The following CAMK2D variants were observed in gnomAD, a reference collection of about 807,000 sequenced individuals.
CAMK2D encodes calcium/calmodulin-dependent protein kinase type II subunit delta.
Under a neutral mutation model 84.0 loss-of-function variants are expected in CAMK2D, and 37 were observed. The ratio of observed to expected loss-of-function variants is 0.44; its 90% CI spans 0.34 to 0.58. CAMK2D has a LOEUF of 0.58. Among genes scored for constraint, CAMK2D ranks in the 20% least tolerant of loss-of-function variants. CAMK2D has a pLI of 0.02. For synonymous variants in CAMK2D, 202 were observed against 212.5 expected (o/e 0.95, Z 0.43); for missense variants, 448 against 652.5 (o/e 0.69, Z 3.41).
intron 2 of CAMK2D, among the ~76,000 whole-genome samples, chr4:113,705,155 C>G (rs373016765): frequency 6.4e-4 from 89 of 138,360 alleles, no homozygotes; most frequent in Non-Finnish European, 1.2e-3. Flanking sequence ...ATCTCTACTA[C>G]AAATACAAAA....
intron 12 of CAMK2D, 130 bp from the exon 13 acceptor site, chr4:113,509,805 A>AAAG (rs765346026): frequency 5.4e-5 from 36 of 669,942 alleles, no homozygotes; most frequent in Non-Finnish European, 9.4e-5. Flanking sequence ...GCAAGTTATC[A>AAAG]AAGTCACACT....
chr4:113,759,571 T>C (rs1326735065), intron 1 of CAMK2D, among the ~76,000 whole-genome samples, 157 bp from the exon 2 acceptor site: 1 of 152,240 alleles, frequency 6.6e-6, no homozygotes, highest in Non-Finnish European at 1.5e-5. Context: ...CCAGACTTTC[T>C]TTAATGTTGA....
At chr4:113,629,353 T>A (rs72893917) in intron 3 of CAMK2D, among the ~76,000 whole-genome samples, 1,675 of 152,230 alleles carry the variant, frequency 0.011, 48 homozygotes, top group African/African-American at 0.039. Flanking sequence ...CAAATTTTTT[T>A]AAATACTTTT....
intron 2 of CAMK2D, among the ~76,000 whole-genome samples, chr4:113,756,605 T>C (rs1859233): frequency 0.021 from 3,191 of 152,178 alleles, 117 homozygotes; most frequent in African/African-American, 0.073. Flanking sequence ...TGAGTGTTAT[T>C]AAAAGACTTC....
At position 113,638,659 on chromosome 4, in the gene CAMK2D, G is replaced by A. The variant is rs574877120; in HGVS notation, c.220+23054C>T. ...AAACAGGGACCTGTTTCGGTAATGC[G>A]AACTCATTAGGGCTATGCTCCTACT... is the stretch of plus-strand genomic sequence containing the variant. On this transcript the variant is annotated intron_variant, in intron 3 of 20. Coordinates refer to ENST00000511664, the MANE Select transcript of CAMK2D (RefSeq NM_001321571.2). 1.2e-3 allele frequency among the ~76,000 whole-genome samples: 187 copies of A among 152,078 alleles called. 1 individual carries two copies. Among genetic ancestry groups the A allele is most frequent in the Non-Finnish European group, 2.2e-3 (152 of 67,990 alleles).
chr4:113,610,333 C>G lies in CAMK2D; in HGVS notation c.221-1127G>C, dbSNP rs77541675. 9.3e-4 allele frequency among the ~76,000 whole-genome samples: 141 copies of G among 152,278 alleles called. No individual in the cohort carries two copies. In the East Asian group the frequency reaches 0.023, roughly 25 times the overall value. Reference sequence around the variant, plus strand: ...GCAACAAAGTTTTAGGACACAACTGCTTTTACAAAAGTCACCACAAAATAA... The same window carrying G: ...GCAACAAAGTTTTAGGACACAACTGGTTTTACAAAAGTCACCACAAAATAA... On this transcript the variant is annotated intron_variant, in intron 3 of 20. Transcript: ENST00000511664.
chr4:113,645,218 A>G (rs953635916), intron 3 of CAMK2D, among the ~76,000 whole-genome samples: 2 of 151,982 alleles, frequency 1.3e-5, no homozygotes, highest in African/African-American at 2.4e-5. Flanking sequence ...GGGTTTCACC[A>G]TGTTAGCCAG....
At chr4:113,558,033 A>C (rs1382692399) in intron 4 of CAMK2D, among the ~76,000 whole-genome samples, 1 of 152,182 alleles carries the variant, frequency 6.6e-6, no homozygotes, top group Non-Finnish European at 1.5e-5. Context: ...CCCAGACCCA[A>C]AGATGCAAGA....
At chr4:113,715,312 T>C (rs375285114) in intron 2 of CAMK2D, among the ~76,000 whole-genome samples, 10 of 152,148 alleles carry the variant, frequency 6.6e-5, no homozygotes, top group Admixed American at 5.9e-4. Flanking sequence ...ACAGTGAGCA[T>C]TCTTCTCTTC....
intron 4 of CAMK2D, among the ~76,000 whole-genome samples, chr4:113,565,240 G>A (rs897137396): frequency 6.6e-6 from 1 of 152,146 alleles, no homozygotes; most frequent in Admixed American, 6.5e-5. Flanking sequence ...GAAGCTGGGT[G>A]GCCATGATCC....
intron 14 of CAMK2D, chr4:113,503,178 C>T: frequency 4.1e-6 from 3 of 728,506 alleles, no homozygotes; most frequent in South Asian, 1.4e-5. Flanking sequence ...TAGGAACCTC[C>T]CTACCCAGAA....
chr4:113,552,132 A>C, intron 4 of CAMK2D, 36 bp from the exon 5 acceptor site: 1 of 1,203,790 alleles, frequency 8.3e-7, no homozygotes, highest in Middle Eastern at 1.9e-4. Context: ...TTTTAAAAAG[A>C]AGCAAAAAAA....
chr4:113,575,140 T>A (rs1444581012), intron 4 of CAMK2D, among the ~76,000 whole-genome samples: 1 of 152,204 alleles, frequency 6.6e-6, no homozygotes, highest in Non-Finnish European at 1.5e-5. Context: ...GTGAGGGGGT[T>A]TATTCTACTC....
intron 2 of CAMK2D, among the ~76,000 whole-genome samples, chr4:113,677,020 G>A (rs924196500): frequency 1.3e-5 from 2 of 152,150 alleles, no homozygotes; most frequent in Admixed American, 1.3e-4. Flanking sequence ...AAGGCGAAGA[G>A]CTAAAATTCA....
chr4:113,498,839 C>T (rs976770578), intron 16 of CAMK2D, among the ~76,000 whole-genome samples: 1 of 152,150 alleles, frequency 6.6e-6, no homozygotes, highest in African/African-American at 2.4e-5. Flanking sequence ...TAGCAATGAT[C>T]CTGAACCAAT....
intron 13 of CAMK2D, among the ~76,000 whole-genome samples, chr4:113,506,891 TC>T (rs142027510): frequency 0.037 from 5,456 of 147,254 alleles, 120 homozygotes; most frequent in Non-Finnish European, 0.047. Context: ...GTGCACATGT[TC>T]CCCCCCCCAC....
At chr4:113,600,589 A>C (rs2098947537) in intron 4 of CAMK2D, among the ~76,000 whole-genome samples, 1 of 152,200 alleles carries the variant, frequency 6.6e-6, no homozygotes, top group African/African-American at 2.4e-5. Context: ...GTGATATAAC[A>C]CCAAGAAATC....
chr4:113,527,456 T>C (rs28592228), intron 8 of CAMK2D, among the ~76,000 whole-genome samples: 12,104 of 152,112 alleles, frequency 0.08, 799 homozygotes, highest in African/African-American at 0.18. Context: ...TGCTATCGTA[T>C]ACTTAATAGA....
Position 113,452,609 on chromosome 4 carries a change from G to T in CAMK2D, c.*1936C>A, listed in dbSNP as rs1356243803. On this transcript the variant is annotated 3_prime_UTR_variant, in exon 21 of 21. Transcript: ENST00000511664. ...ACATCTTAGTGCGGAAGACAAACTT[G>T]ATCTACAGTAATACTTCAACACCAC... 6.6e-6 allele frequency: 1 copy of T among 152,354 alleles called. No homozygotes were observed. The highest frequency in any genetic ancestry group is 1.5e-5 in the Non-Finnish European group (1 of 68,012). The allele number at this position is 152,354 out of a possible 1,614,324, so 9.4% of individuals were successfully genotyped here.
Sources: allele counts gnomAD v4.1 joint callset (sites outside exome capture counted in the v4.1 genomes callset), GRCh38; gene constraint gnomAD v4.1.1; transcripts MANE v1.5; gene names NCBI Gene and HGNC (gene_info 2026-07-23, HGNC 2026-07-21).